ANKFN1: variants seen among roughly 807,000 people sequenced by gnomAD.
The protein encoded by ANKFN1 is ankyrin repeat and fibronectin type-III domain-containing protein 1.
Under a neutral mutation model 108.7 loss-of-function variants are expected in ANKFN1, and 74 were observed. The observed-to-expected ratio is 0.68, with a 90% confidence interval of 0.56 to 0.83. ANKFN1 has a LOEUF of 0.83. Ranked by LOEUF, ANKFN1 falls within the 40% of genes least tolerant of loss-of-function variation. ANKFN1 has a pLI of 0.00. For missense variants in ANKFN1, 1,505 were observed against 1,382.3 expected (o/e 1.09, Z -1.41); for synonymous variants, 547 against 516.2 (o/e 1.06, Z -0.81).
intron 4 of ANKFN1, among the ~76,000 whole-genome samples, chr17:56,070,892 G>C (rs180779663): frequency 6.6e-6 from 1 of 151,786 alleles, no homozygotes. Context: ...ACACCACCAC[G>C]CCCAGCTAAT....
chr17:56,474,662 C>T (rs372671820), intron 15 of ANKFN1, among the ~76,000 whole-genome samples: 83 of 152,284 alleles, frequency 5.5e-4, no homozygotes, highest in African/African-American at 1.9e-3. Context: ...ATCTGTTTGT[C>T]TAGCAAGTAT....
At chr17:56,175,921 T>C (rs1185815402) in intron 1 of ANKFN1, among the ~76,000 whole-genome samples, 2 of 105,776 alleles carry the variant, frequency 1.9e-5, no homozygotes, top group Non-Finnish European at 3.5e-5. Context: ...TATTATAAGA[T>C]AGTAGGGGGG....
intron 1 of ANKFN1, among the ~76,000 whole-genome samples, chr17:56,168,204 T>A (rs1288545324): frequency 1.3e-5 from 2 of 150,556 alleles, no homozygotes; most frequent in Non-Finnish European, 2.9e-5. Context: ...GAAGCAGAGG[T>A]TGCAGTGAGA....
chr17:56,307,896 C>T (rs1391702443), intron 3 of ANKFN1, among the ~76,000 whole-genome samples: 1 of 152,032 alleles, frequency 6.6e-6, no homozygotes, highest in Non-Finnish European at 1.5e-5. Flanking sequence ...TACTGTGCAG[C>T]CATAAAAAAT....
intron 3 of ANKFN1, among the ~76,000 whole-genome samples, chr17:56,301,896 A>G (rs1204974007): frequency 1.3e-5 from 2 of 152,226 alleles, no homozygotes; most frequent in Non-Finnish European, 2.9e-5. Flanking sequence ...CCAGGTGGAT[A>G]TCAAGGTTTT....
intron 18 of ANKFN1, among the ~76,000 whole-genome samples, chr17:56,484,889 T>G (rs2050810953): frequency 6.6e-6 from 1 of 152,130 alleles, no homozygotes; most frequent in Non-Finnish European, 1.5e-5. Flanking sequence ...AATCTACAAC[T>G]TGGTATCAAT....
chr17:56,440,209 G>A (rs1358021958), intron 8 of ANKFN1, 118 bp from the exon 9 acceptor site: 3 of 463,134 alleles, frequency 6.5e-6, no homozygotes, highest in African/African-American at 2.0e-5. Flanking sequence ...AGAAAGGAGG[G>A]TGCACTTAAC....
intron 20 of ANKFN1, among the ~76,000 whole-genome samples, chr17:56,510,267 C>G (rs899221656): frequency 3.9e-5 from 6 of 152,110 alleles, no homozygotes; most frequent in African/African-American, 1.4e-4. Flanking sequence ...GACCAGAGCC[C>G]ACTACATAAT....
intron 8 of ANKFN1, among the ~76,000 whole-genome samples, chr17:56,439,778 A>G (rs573928398): frequency 1.3e-5 from 2 of 152,344 alleles, no homozygotes; most frequent in East Asian, 1.9e-4. Flanking sequence ...GAGGCTTTTC[A>G]GTAGAATATG....
Position 56,480,034 on chromosome 17 carries a change from A to G in ANKFN1, c.1941-634A>G, listed in dbSNP as rs73991547. ...CCTTCCCTTCTGTGTGACATTTGGA[A>G]AAGTTCATTAGGAAGGATTATAGAG... On this transcript the variant is annotated intron_variant, in intron 16 of 20. Coordinates refer to ENST00000682825, the MANE Select transcript of ANKFN1 (RefSeq NM_001370326.1). 2.6e-3 allele frequency among the ~76,000 whole-genome samples: 391 copies of G among 152,330 alleles called. 4 individuals carry two copies. The highest frequency in any genetic ancestry group is 8.7e-3 in the African/African-American group (363 of 41,574).
At chr17:56,230,169 G>A (rs906291625) in intron 3 of ANKFN1, among the ~76,000 whole-genome samples, 7 of 152,080 alleles carry the variant, frequency 4.6e-5, no homozygotes, top group African/African-American at 1.2e-4. Flanking sequence ...CCCAACCCAC[G>A]GATGGAGGAC....
At chr17:56,172,821 G>A (rs1466545279) in intron 1 of ANKFN1, among the ~76,000 whole-genome samples, 2 of 152,126 alleles carry the variant, frequency 1.3e-5, no homozygotes, top group African/African-American at 4.8e-5. Context: ...GATACTACCG[G>A]TCAGGCAAGG....
At chr17:56,274,300 C>T (rs1367754896) in intron 3 of ANKFN1, among the ~76,000 whole-genome samples, 3 of 151,988 alleles carry the variant, frequency 2.0e-5, no homozygotes, top group Non-Finnish European at 4.4e-5. Context: ...GGTGAAACCC[C>T]GTCTCTAGTA....
rs567482750 is a variant in ANKFN1, at chr17:56,359,848, G to A, written c.601+5802G>A. Reference sequence around the variant, plus strand: ...TGTTACCCTTCCACATGGTCCTCCTGGGAGACCCCACACTTGCTCCAACAG... The same window carrying A: ...TGTTACCCTTCCACATGGTCCTCCTAGGAGACCCCACACTTGCTCCAACAG... On this transcript the variant is annotated intron_variant, in intron 6 of 20. Transcript: ENST00000682825. Among the ~76,000 whole-genome samples the A allele has an allele frequency of 1.2e-4, 19 of 152,214 alleles. No homozygotes were observed. In the South Asian group the frequency reaches 3.1e-3, roughly 25 times the overall value.
intron 1 of ANKFN1, among the ~76,000 whole-genome samples, chr17:56,186,883 T>A (rs1912262044): frequency 6.6e-6 from 1 of 152,206 alleles, no homozygotes; most frequent in South Asian, 2.1e-4. Context: ...GCTAGCCATA[T>A]GTAGAAAGCT....
At chr17:56,153,586 G>T in intron 1 of ANKFN1, 56 bp downstream of exon 1, 1 of 1,602,538 alleles carries the variant, frequency 6.2e-7, no homozygotes, top group South Asian at 1.1e-5. Context: ...CCATTGTTTT[G>T]CATTCAACAG....
At chr17:56,492,396 G>T (rs77810899) in intron 19 of ANKFN1, 43 bp downstream of exon 19, 2 of 692,048 alleles carry the variant, frequency 2.9e-6, no homozygotes, top group East Asian at 2.7e-5. Flanking sequence ...GGGAGAAGAG[G>T]CAGGGTGGAA....
chr17:56,458,276 G>A (rs1028951776), intron 14 of ANKFN1, among the ~76,000 whole-genome samples: 1 of 152,020 alleles, frequency 6.6e-6, no homozygotes, highest in South Asian at 2.1e-4. Flanking sequence ...TTAGTCAGCC[G>A]ACTCAGTTCT....
chr17:56,406,875 A>G (rs1019424618), intron 8 of ANKFN1, among the ~76,000 whole-genome samples: 5 of 152,212 alleles, frequency 3.3e-5, no homozygotes, highest in Non-Finnish European at 2.9e-5. Context: ...GAACTTTATA[A>G]GATCACTTTA....
Sources: allele counts gnomAD v4.1 joint callset (sites outside exome capture counted in the v4.1 genomes callset), GRCh38; gene constraint gnomAD v4.1.1; transcripts MANE v1.5; gene names NCBI Gene and HGNC (gene_info 2026-07-23, HGNC 2026-07-21).